Variants in CARMIL1 observed in about 807,000 individuals in gnomAD.
CARMIL1 encodes capping protein regulator and myosin 1 linker 1, also known as F-actin-uncapping protein LRRC16A.
In CARMIL1, 90 loss-of-function variants were observed where a neutral mutation model predicts 177.1. The ratio of observed to expected loss-of-function variants is 0.51; its 90% CI spans 0.43 to 0.61. The LOEUF (loss-of-function observed/expected upper bound fraction) is 0.61. Among genes scored for constraint, CARMIL1 ranks in the 20% least tolerant of loss-of-function variants. CARMIL1 has a pLI of 0.00. For synonymous variants in CARMIL1, 577 were observed against 606.2 expected (o/e 0.95, Z 0.71); for missense variants, 1,380 against 1,667.0 (o/e 0.83, Z 3.00).
chr6:25,538,788 A>G (rs1808579580), intron 25 of CARMIL1, among the ~76,000 whole-genome samples: 1 of 152,182 alleles, frequency 6.6e-6, no homozygotes, highest in Non-Finnish European at 1.5e-5. Flanking sequence ...GGAGGTTGCC[A>G]GAGGAACCAG....
rs70977217 is a variant in CARMIL1, at chr6:25,529,755, C to CAAAAAAAAAAAAAAAAAAAAAAAAA, written c.2067+868_2067+892dup. 4.8e-4 allele frequency among the ~76,000 whole-genome samples: 16 copies of CAAAAAAAAAAAAAAAAAAAAAAAAA among 33,536 alleles called. 1 individual carries two copies. The highest frequency in any genetic ancestry group is 8.5e-4 in the African/African-American group (9 of 10,590). The allele number at this position is 33,536 out of a possible 152,430, so 22.0% of individuals were successfully genotyped here. A position where few individuals can be genotyped will look rare whatever the true frequency, so the allele number is the denominator to read the frequency against. On this transcript the variant is annotated intron_variant, in intron 24 of 36. Coordinates refer to ENST00000329474, the MANE Select transcript of CARMIL1 (RefSeq NM_017640.6). The stretch of plus-strand genomic sequence containing the variant: ...GGGCGACAGAGCGAGACTCCGTCTC[C>CAAAAAAAAAAAAAAAAAAAAAAAAA]AAAAAAAAAAAAAAAAAAAAAAAAA...
chr6:25,379,936 C>T (rs1320966353), intron 2 of CARMIL1, among the ~76,000 whole-genome samples: 2 of 151,682 alleles, frequency 1.3e-5, no homozygotes, highest in African/African-American at 4.8e-5. Flanking sequence ...TATAGCCTTA[C>T]ATTTCTTTTG....
intron 11 of CARMIL1, among the ~76,000 whole-genome samples, chr6:25,481,467 C>G (rs1802116137): frequency 6.6e-6 from 1 of 152,190 alleles, no homozygotes; most frequent in Non-Finnish European, 1.5e-5. Context: ...TCTAAGGGAA[C>G]AGGAATTAAC....
At chr6:25,606,479 G>A (rs1815986919) in intron 35 of CARMIL1, among the ~76,000 whole-genome samples, 1 of 152,222 alleles carries the variant, frequency 6.6e-6, no homozygotes, top group African/African-American at 2.4e-5. Context: ...CCCACCATGT[G>A]TGAGAGTTGG....
At chr6:25,348,348 T>G (rs1049865188) in intron 2 of CARMIL1, among the ~76,000 whole-genome samples, 1 of 151,018 alleles carries the variant, frequency 6.6e-6, no homozygotes, top group African/African-American at 2.4e-5. Context: ...GGCAGGCTGG[T>G]CTCGAACTCC....
At chr6:25,556,405 A>G (rs1169989481) in intron 28 of CARMIL1, among the ~76,000 whole-genome samples, 1 of 152,234 alleles carries the variant, frequency 6.6e-6, no homozygotes, top group African/African-American at 2.4e-5. Flanking sequence ...ACTTTTTAGT[A>G]TAGAAGGAAA....
chr6:25,612,667 A>T, intron 36 of CARMIL1: 1 of 751,462 alleles, frequency 1.3e-6, no homozygotes, highest in Non-Finnish European at 1.6e-6. Context: ...TAATATTTTT[A>T]AATATTAATG....
chr6:25,540,152 C>A, intron 26 of CARMIL1, 74 bp downstream of exon 26: 1 of 1,370,526 alleles, frequency 7.3e-7, no homozygotes, highest in Non-Finnish European at 9.8e-7. Flanking sequence ...CATTCCATAG[C>A]TATCTATGTT....
At chr6:25,513,385 G>A (rs1294769301) in intron 20 of CARMIL1, among the ~76,000 whole-genome samples, 2 of 152,040 alleles carry the variant, frequency 1.3e-5, no homozygotes. Flanking sequence ...AGACTTTTTG[G>A]CCCAGGTTTT....
intron 5 of CARMIL1, among the ~76,000 whole-genome samples, chr6:25,438,312 G>A (rs1797407589): frequency 6.6e-6 from 1 of 152,184 alleles, no homozygotes; most frequent in African/African-American, 2.4e-5. Context: ...TAGGCATAGT[G>A]CTAAGTGTTG....
intron 2 of CARMIL1, among the ~76,000 whole-genome samples, chr6:25,340,178 C>G (rs1187713262): frequency 7.9e-6 from 1 of 126,722 alleles, no homozygotes; most frequent in Non-Finnish European, 1.7e-5. Context: ...GCATCTGAAT[C>G]TGACCTTCTC....
chr6:25,492,164 T>C, intron 15 of CARMIL1, 140 bp downstream of exon 15: 1 of 660,002 alleles, frequency 1.5e-6, no homozygotes, highest in Middle Eastern at 2.7e-4. Context: ...TGAATATTAG[T>C]CCTTGAACAT....
intron 2 of CARMIL1, among the ~76,000 whole-genome samples, chr6:25,301,315 T>C (rs1413931467): frequency 6.6e-6 from 1 of 151,544 alleles, no homozygotes; most frequent in East Asian, 2.0e-4. Flanking sequence ...ACAAGAACAA[T>C]AGGAGGTGGA....
chr6:25,484,549 C>G (rs1467581312), intron 12 of CARMIL1, among the ~76,000 whole-genome samples: 1 of 152,250 alleles, frequency 6.6e-6, no homozygotes, highest in Non-Finnish European at 1.5e-5. Flanking sequence ...CTAAGTTTAA[C>G]TCCTTTACAT....
chr6:25,462,784 T>A (rs541225861), intron 8 of CARMIL1, among the ~76,000 whole-genome samples: 1 of 152,322 alleles, frequency 6.6e-6, no homozygotes, highest in African/African-American at 2.4e-5. Flanking sequence ...AAGTCTCTCG[T>A]CTTTCGTTGT....
rs766474584 is a variant in CARMIL1, at chr6:25,540,083, G to A, written c.2328+5G>A. 1.3e-6 allele frequency: 2 copies of A among 1,582,270 alleles called. No homozygotes were observed. Among genetic ancestry groups the A allele is most frequent in the Non-Finnish European group, 1.7e-6 (2 of 1,169,416 alleles). Reference sequence around the variant, plus strand: ...GTAGTAGATGAACAACTAAAGGTTTGTGGGGTTTGTTATTTGGGAAATGAA... The same window carrying A: ...GTAGTAGATGAACAACTAAAGGTTTATGGGGTTTGTTATTTGGGAAATGAA... On this transcript the variant is annotated splice_donor_5th_base_variant and intron_variant, in intron 26 of 36. Transcript: ENST00000329474.
chr6:25,602,410 A>G (rs1244707122), intron 33 of CARMIL1, among the ~76,000 whole-genome samples: 2 of 152,218 alleles, frequency 1.3e-5, no homozygotes, highest in Non-Finnish European at 2.9e-5. Flanking sequence ...TATGCTGTTT[A>G]TGTTTTTCAT....
In CARMIL1 at chr6:25,534,467, C is replaced by A. The variant is rs183432104; in HGVS notation, c.2068-3388C>A. 2.6e-5 allele frequency among the ~76,000 whole-genome samples: 4 copies of A among 151,848 alleles called. No homozygotes were observed. The South Asian group carries it at 8.3e-4, about 32-fold the overall frequency. Reference sequence around the variant, plus strand: ...TGCTTGGGTTTGTTCTTTTGTTTAACGATCCCTTCTGTTTTTCTCAATCCG... The same window carrying A: ...TGCTTGGGTTTGTTCTTTTGTTTAAAGATCCCTTCTGTTTTTCTCAATCCG... On this transcript the variant is annotated intron_variant, in intron 24 of 36. Coordinates refer to ENST00000329474, the MANE Select transcript of CARMIL1 (RefSeq NM_017640.6).
intron 2 of CARMIL1, among the ~76,000 whole-genome samples, chr6:25,298,971 C>T (rs927042005): frequency 5.9e-5 from 9 of 151,832 alleles, no homozygotes; most frequent in East Asian, 1.9e-4. Flanking sequence ...AGGGTGGTCT[C>T]GAACTCCTGA....
Sources: allele counts gnomAD v4.1 joint callset (sites outside exome capture counted in the v4.1 genomes callset), GRCh38; gene constraint gnomAD v4.1.1; transcripts MANE v1.5; gene names NCBI Gene and HGNC (gene_info 2026-07-23, HGNC 2026-07-21).